KAZN: variants seen among roughly 807,000 people sequenced by gnomAD.
KAZN encodes kazrin, periplakin interacting protein.
A neutral mutation model predicts 87.4 loss-of-function variants in KAZN; 40 were observed. That is an observed-to-expected ratio of 0.46 (90% CI 0.36 to 0.60). KAZN has a LOEUF of 0.60. Among genes scored for constraint, KAZN ranks in the 20% least tolerant of loss-of-function variants. The pLI is 0.00. For synonymous variants in KAZN, 466 were observed against 458.3 expected, an observed-to-expected ratio of 1.02 and a Z score of -0.22; for missense variants, 898 against 1,073.9, an observed-to-expected ratio of 0.84 and a Z score of 2.29.
chr1:15,090,764 G>A (rs74059823), intron 8 of KAZN, among the ~76,000 whole-genome samples: 3,578 of 152,294 alleles, frequency 0.023, 140 homozygotes, highest in African/African-American at 0.081. Context: ...CGGACAGCCC[G>A]TCACACTCAC....
chr1:14,240,532 C>T (rs1173443755), intron 2 of KAZN, among the ~76,000 whole-genome samples: 1 of 152,220 alleles, frequency 6.6e-6, no homozygotes, highest in Non-Finnish European at 1.5e-5. Context: ...ATGACAACAG[C>T]CAGGCCCAAA....
chr1:14,811,412 C>T (rs1450274784), intron 1 of KAZN, among the ~76,000 whole-genome samples: 18 of 152,188 alleles, frequency 1.2e-4, no homozygotes, highest in East Asian at 1.9e-4. Context: ...TTCAGACAAA[C>T]GCTGTAAATA....
intron 1 of KAZN, among the ~76,000 whole-genome samples, chr1:14,759,456 A>G (rs929154326): frequency 1.2e-4 from 19 of 152,174 alleles, no homozygotes; most frequent in Admixed American, 1.3e-4. Context: ...AAAAGCAGCT[A>G]TATTTGTGCA....
intron 1 of KAZN, among the ~76,000 whole-genome samples, chr1:14,862,878 C>T (rs1480650661): frequency 2.0e-5 from 3 of 152,142 alleles, no homozygotes; most frequent in Non-Finnish European, 2.9e-5. Flanking sequence ...TGTCATTGCC[C>T]CTGCATATGG....
At chr1:14,207,668 G>A (rs904122412) in intron 2 of KAZN, among the ~76,000 whole-genome samples, 1 of 152,120 alleles carries the variant, frequency 6.6e-6, no homozygotes, top group Non-Finnish European at 1.5e-5. Context: ...TTGGGGGCTG[G>A]GTGAGCGCCC....
intron 2 of KAZN, among the ~76,000 whole-genome samples, chr1:14,556,981 C>A (rs1040251973): frequency 1.3e-5 from 2 of 152,222 alleles, no homozygotes; most frequent in Admixed American, 6.5e-5. Flanking sequence ...TCATTCTGTG[C>A]TCAAGAGCTG....
Position 14,599,658 on chromosome 1 carries a change from G to C in KAZN, c.226+435G>C, listed in dbSNP as rs1676793738. Among the ~76,000 whole-genome samples, 1 of 152,216 alleles carries C rather than the reference G, an allele frequency of 6.6e-6. No homozygotes were observed. The highest frequency in any genetic ancestry group is 2.1e-4 in the South Asian group (1 of 4,834). On this transcript the variant is annotated intron_variant, in intron 1 of 14. Coordinates refer to ENST00000376030, the MANE Select transcript of KAZN (RefSeq NM_201628.3). The surrounding 1 kb of genome is among the most constrained non-coding windows in gnomAD (Gnocchi z 4.4). ...AGCTCCGGGCTCTGCCGCCGTGGTT[G>C]GGATAGAGGATTGCACTGCTGTGCA...
At chr1:14,755,559 G>C (rs1056010643) in intron 1 of KAZN, among the ~76,000 whole-genome samples, 1 of 152,180 alleles carries the variant, frequency 6.6e-6, no homozygotes, top group African/African-American at 2.4e-5. Context: ...TTACAAGGAA[G>C]GTCTCAGCGC....
chr1:15,109,189 A>T (rs1438186647), intron 13 of KAZN, among the ~76,000 whole-genome samples: 1 of 152,148 alleles, frequency 6.6e-6, no homozygotes, highest in Non-Finnish European at 1.5e-5. Context: ...GCTGGAGACT[A>T]GCCTGGGCAA....
At chr1:14,514,588 T>TATATATAATATATGAAATA (rs1261372147) in intron 2 of KAZN, among the ~76,000 whole-genome samples, 1 of 59,374 alleles carries the variant, frequency 1.7e-5, no homozygotes, top group Non-Finnish European at 3.3e-5. Flanking sequence ...ATATATTTTT[T>TATATATAATATATGAAATA]TATATTTTAT....
intron 1 of KAZN, among the ~76,000 whole-genome samples, chr1:14,919,184 T>TTTG (rs1658224330): frequency 6.6e-6 from 1 of 152,068 alleles, no homozygotes; most frequent in Non-Finnish European, 1.5e-5. Flanking sequence ...CACTTTTTTG[T>TTTG]TTGTTTGTTT....
At chr1:14,249,728 A>G (rs1314726678) in intron 2 of KAZN, among the ~76,000 whole-genome samples, 1 of 152,118 alleles carries the variant, frequency 6.6e-6, no homozygotes, top group African/African-American at 2.4e-5. Context: ...GGCTGTGGCC[A>G]TGGGAAAAGA....
chr1:14,963,192 C>T (rs1664086625), intron 2 of KAZN, among the ~76,000 whole-genome samples: 1 of 152,174 alleles, frequency 6.6e-6, no homozygotes, highest in African/African-American at 2.4e-5. Flanking sequence ...CAGAGATCCA[C>T]CCCTTTGTAG....
At chr1:14,420,988 G>A (rs115791499) in intron 2 of KAZN, among the ~76,000 whole-genome samples, 2,935 of 152,160 alleles carry the variant, frequency 0.019, 37 homozygotes, top group Middle Eastern at 0.044. Flanking sequence ...ACAGTGCAGC[G>A]GTGGGCTGAA....
At chr1:14,929,755 C>T (rs922253777) in intron 1 of KAZN, 5 of 985,174 alleles carry the variant, frequency 5.1e-6, no homozygotes, top group Middle Eastern at 5.2e-4. Context: ...ATTTACTCTC[C>T]GTGAGTGCGT....
At chr1:14,876,210 A>T (rs1204307622) in intron 1 of KAZN, among the ~76,000 whole-genome samples, 4 of 152,218 alleles carry the variant, frequency 2.6e-5, no homozygotes, top group Admixed American at 6.5e-5. Context: ...CAGTGTTATC[A>T]GTTCCCTGTC....
At chr1:15,057,886 G>T (rs1436004020) in intron 5 of KAZN, among the ~76,000 whole-genome samples, 1 of 152,250 alleles carries the variant, frequency 6.6e-6, no homozygotes, top group Non-Finnish European at 1.5e-5. Context: ...ATCCTCGTCT[G>T]CCTCTGCAGG....
At chr1:14,344,160 ATTCTTTTT>A (rs147379847) in intron 2 of KAZN, among the ~76,000 whole-genome samples, 10,210 of 92,768 alleles carry the variant, frequency 0.11, 394 homozygotes, top group African/African-American at 0.16. Flanking sequence ...CCATTCATGT[ATTCTTTTT>A]TTTTTTTTTT....
intron 1 of KAZN, among the ~76,000 whole-genome samples, chr1:14,030,015 G>A: frequency 6.6e-6 from 1 of 151,950 alleles, no homozygotes. Flanking sequence ...TTTGAAGAAA[G>A]TCATTGGTAG....
Sources: gnomAD v4.1 joint callset for allele counts (sites outside exome capture counted in the v4.1 genomes callset) on GRCh38, gnomAD v4.1.1 for gene constraint, Gnocchi (gnomAD v3.1) non-coding constraint, MANE v1.5 for transcripts, NCBI Gene and HGNC (gene_info 2026-07-23, HGNC 2026-07-21) for gene names.